NCAM1: variants seen among roughly 807,000 people sequenced by gnomAD.
NCAM1 encodes neural cell adhesion molecule 1, also known as antigen recognized by monoclonal antibody 5.1H11.
A neutral mutation model predicts 109.8 loss-of-function variants in NCAM1; 14 were observed. The ratio of observed to expected loss-of-function variants is 0.13; its 90% CI spans 0.08 to 0.20. NCAM1 has a LOEUF of 0.20. NCAM1 is among the 10% of genes least tolerant of loss of function. NCAM1 has a pLI of 1.00. For synonymous variants in NCAM1, 418 were observed against 442.9 expected (o/e 0.94, Z 0.70); for missense variants, 774 against 1,109.9 (o/e 0.70, Z 4.30).
chr11:113,103,338 T>C (rs565870441), intron 1 of NCAM1, among the ~76,000 whole-genome samples: 2 of 152,358 alleles, frequency 1.3e-5, no homozygotes, highest in South Asian at 4.1e-4. Flanking sequence ...TGGAGTGATT[T>C]GAAATGTAAA....
chr11:113,250,042 C>G (rs183057895), intron 15 of NCAM1, among the ~76,000 whole-genome samples: 262 of 152,294 alleles, frequency 1.7e-3, no homozygotes, highest in Middle Eastern at 3.4e-3. Context: ...GAGCTAGGAA[C>G]TAGGATGGCA....
chr11:113,229,818 C>G (rs188878026), intron 9 of NCAM1, among the ~76,000 whole-genome samples: 1 of 151,986 alleles, frequency 6.6e-6, no homozygotes, highest in East Asian at 1.9e-4. Flanking sequence ...TCGTTCTCAG[C>G]AAAGTATCCC....
At chr11:113,228,940 G>A (rs1382591452) in intron 9 of NCAM1, among the ~76,000 whole-genome samples, 1 of 152,132 alleles carries the variant, frequency 6.6e-6, no homozygotes, top group Non-Finnish European at 1.5e-5. Context: ...ATTCAAGATG[G>A]ATTAAAGACT....
At chr11:113,035,371 A>G (rs1185390448) in intron 1 of NCAM1, among the ~76,000 whole-genome samples, 2 of 152,222 alleles carry the variant, frequency 1.3e-5, no homozygotes, top group Non-Finnish European at 2.9e-5. Flanking sequence ...CAATAATGAC[A>G]TCGAGATCTT....
At chr11:113,034,763 C>T (rs1182903289) in intron 1 of NCAM1, among the ~76,000 whole-genome samples, 1 of 152,262 alleles carries the variant, frequency 6.6e-6, no homozygotes, top group East Asian at 1.9e-4. Context: ...AATATTAAAT[C>T]AAGGATTCAT....
At chr11:113,256,503 G>A (rs931819639) in intron 16 of NCAM1, among the ~76,000 whole-genome samples, 2 of 152,100 alleles carry the variant, frequency 1.3e-5, no homozygotes, top group East Asian at 1.9e-4. Context: ...TGGATCTCAC[G>A]CAGCTGGGTG....
chr11:113,003,250 A>G (rs1405166121), intron 1 of NCAM1, among the ~76,000 whole-genome samples: 7 of 152,248 alleles, frequency 4.6e-5, no homozygotes, highest in Non-Finnish European at 1.0e-4. Flanking sequence ...AACATGTTCA[A>G]AGGTCTCTCC....
In NCAM1 at chr11:113,201,529, CTA is replaced by C. The variant is rs1944060987; in HGVS notation, c.53-848_53-847del. The stretch of plus-strand genomic sequence containing the variant: ...TAAAGCATTTTTCCACCTCGAAACT[CTA>C]TTTTCATGAGGAATGGTTGTCTGCT... On this transcript the variant is annotated intron_variant, in intron 1 of 19. Coordinates refer to ENST00000316851, the MANE Select transcript of NCAM1 (RefSeq NM_181351.5). Among the ~76,000 whole-genome samples the C allele has an allele frequency of 3.3e-5, 5 of 152,236 alleles. No homozygotes were observed. The South Asian group carries it at 1.0e-3, about 31-fold the overall frequency.
At chr11:112,981,764 CTCATT>C (rs1288738785) in intron 1 of NCAM1, among the ~76,000 whole-genome samples, 15 of 151,886 alleles carry the variant, frequency 9.9e-5, no homozygotes, top group African/African-American at 3.6e-4. Context: ...GAAAGTTCAT[CTCATT>C]TAACTTCTTT....
At position 112,998,454 on chromosome 11, in the gene NCAM1, A is replaced by G. The variant is rs147061073; in HGVS notation, c.52+36790A>G. ...TTGATAGAATAAATATTTAAACTTT[A>G]TGTTCTACTAATAAATTATGGTGTA... On this transcript the variant is annotated intron_variant, in intron 1 of 19. Coordinates refer to ENST00000316851, the MANE Select transcript of NCAM1 (RefSeq NM_181351.5). Among the ~76,000 whole-genome samples the G allele has an allele frequency of 3.0e-3, 457 of 152,184 alleles. 1 individual carries two copies. The highest frequency in any genetic ancestry group is 0.01 in the African/African-American group (433 of 41,524).
chr11:113,221,470 A>G, intron 9 of NCAM1, 145 bp downstream of exon 9: 1 of 802,520 alleles, frequency 1.2e-6, no homozygotes. Context: ...TTACTTAGCA[A>G]TAGTATCATT....
intron 1 of NCAM1, among the ~76,000 whole-genome samples, chr11:113,028,227 C>G (rs1219918406): frequency 6.6e-6 from 1 of 152,064 alleles, no homozygotes; most frequent in Non-Finnish European, 1.5e-5. Context: ...AGGTGATGAA[C>G]ATGCTAATCA....
intron 1 of NCAM1, among the ~76,000 whole-genome samples, chr11:113,119,092 A>G: frequency 6.6e-6 from 1 of 151,780 alleles, no homozygotes; most frequent in South Asian, 2.1e-4. Flanking sequence ...AAAAGAGGGG[A>G]ATGGGGAGGA....
At chr11:113,123,820 G>C (rs1338834914) in intron 1 of NCAM1, among the ~76,000 whole-genome samples, 2 of 152,278 alleles carry the variant, frequency 1.3e-5, no homozygotes, top group South Asian at 2.1e-4. Flanking sequence ...TGACATGCAG[G>C]CTGCCCCCTT....
chr11:113,062,931 G>A (rs1937743351), intron 1 of NCAM1, among the ~76,000 whole-genome samples: 1 of 152,106 alleles, frequency 6.6e-6, no homozygotes, highest in East Asian at 1.9e-4. Flanking sequence ...TCATACCACT[G>A]CACTCCAGCC....
At chr11:113,104,367 T>C (rs1304072635) in intron 1 of NCAM1, among the ~76,000 whole-genome samples, 4 of 152,020 alleles carry the variant, frequency 2.6e-5, no homozygotes, top group East Asian at 1.9e-4. Flanking sequence ...TCTGAGGCTT[T>C]TTTTTTTCTA....
chr11:112,977,312 A>AT (rs1396492324), intron 1 of NCAM1: 1 of 151,870 alleles, frequency 6.6e-6, no homozygotes, highest in Non-Finnish European at 1.5e-5. Context: ...CTTTATAAGC[A>AT]TATGTGTAAG....
chr11:113,140,903 T>A (rs1344458147), intron 1 of NCAM1, among the ~76,000 whole-genome samples: 2 of 152,132 alleles, frequency 1.3e-5, no homozygotes, highest in African/African-American at 4.8e-5. Context: ...GGATTTCATT[T>A]TTTTTGTTTT....
rs532804686 is a variant in NCAM1, at chr11:113,277,382, C to T, written c.*1995C>T. On this transcript the variant is annotated 3_prime_UTR_variant, in exon 20 of 20. Coordinates refer to ENST00000316851, the MANE Select transcript of NCAM1 (RefSeq NM_181351.5). The stretch of plus-strand genomic sequence containing the variant: ...GATGGAAATGGAGGATCCCAGAACA[C>T]ACAGCCCTGGCCCCTTTGATTCTAG... 7.0e-5 allele frequency: 28 copies of T among 399,136 alleles called. No individual in the cohort carries two copies. Among genetic ancestry groups the T allele is most frequent in the East Asian group, 3.2e-4 (9 of 28,090 alleles). 24.7% of individuals were successfully genotyped at this position (399,136 alleles called of 1,614,324 possible).
Sources: gnomAD v4.1 joint callset for allele counts (sites outside exome capture counted in the v4.1 genomes callset) on GRCh38, gnomAD v4.1.1 for gene constraint, MANE v1.5 for transcripts, NCBI Gene and HGNC (gene_info 2026-07-23, HGNC 2026-07-21) for gene names.